The following JMJD1C variants were observed in gnomAD, a reference collection of about 807,000 sequenced individuals.
JMJD1C encodes the protein jumonji domain containing 1C.
Under a neutral mutation model 245.3 loss-of-function variants are expected in JMJD1C, and 31 were observed. That is an observed-to-expected ratio of 0.13 (90% CI 0.09 to 0.17). The LOEUF is 0.17. JMJD1C is among the 10% of genes least tolerant of loss of function. JMJD1C has a pLI of 1.00. For synonymous variants in JMJD1C, 1,057 were observed against 1,017.4 expected, an observed-to-expected ratio of 1.04 and a Z score of -0.74; for missense variants, 2,691 against 3,000.2, an observed-to-expected ratio of 0.90 and a Z score of 2.41.
At chr10:63,375,760 G>A (rs1354437538) in intron 2 of JMJD1C, among the ~76,000 whole-genome samples, 2 of 151,770 alleles carry the variant, frequency 1.3e-5, no homozygotes, top group African/African-American at 4.8e-5. Flanking sequence ...TCGCTGCATT[G>A]TTCAGCCTGG....
chr10:63,332,484 G>T (rs959709701), intron 2 of JMJD1C, among the ~76,000 whole-genome samples: 1 of 152,122 alleles, frequency 6.6e-6, no homozygotes, highest in Non-Finnish European at 1.5e-5. Context: ...TGTAACCTTG[G>T]TGCCAGACTC....
At chr10:63,203,054 T>C in intron 10 of JMJD1C, 7 of 985,052 alleles carry the variant, frequency 7.1e-6, no homozygotes, top group Non-Finnish European at 8.4e-6. Flanking sequence ...ATCTCAATTA[T>C]GTGACACAAA....
chr10:63,459,527 A>G (rs1952639987), intron 1 of JMJD1C, among the ~76,000 whole-genome samples: 1 of 152,226 alleles, frequency 6.6e-6, no homozygotes, highest in South Asian at 2.1e-4. Context: ...AATATTTAGA[A>G]AGTTAGATAT....
intron 3 of JMJD1C, chr10:63,223,194 T>G: frequency 2.0e-6 from 1 of 500,590 alleles, no homozygotes; most frequent in African/African-American, 2.0e-5. Context: ...ACCTTTTCCA[T>G]AATATAGGGA....
intron 1 of JMJD1C, among the ~76,000 whole-genome samples, chr10:63,513,774 G>A (rs55666908): frequency 0.11 from 16,802 of 152,108 alleles, 995 homozygotes; most frequent in Middle Eastern, 0.24. Flanking sequence ...TTAGCCGGGC[G>A]TGTTGGCGGG....
intron 3 of JMJD1C, among the ~76,000 whole-genome samples, chr10:63,249,998 T>C (rs1363781698): frequency 2.0e-5 from 3 of 152,218 alleles, no homozygotes; most frequent in Admixed American, 6.5e-5. Flanking sequence ...GTACATCTAT[T>C]ATGTATTGAT....
chr10:63,501,143 G>A (rs986786068), intron 1 of JMJD1C, among the ~76,000 whole-genome samples: 4 of 152,088 alleles, frequency 2.6e-5, no homozygotes, highest in Admixed American at 6.5e-5. Context: ...CCTGCCAGAC[G>A]CGGTAGCTGA....
At chr10:63,321,203 A>G (rs1940815451) in intron 2 of JMJD1C, among the ~76,000 whole-genome samples, 1 of 152,238 alleles carries the variant, frequency 6.6e-6, no homozygotes, top group African/African-American at 2.4e-5. Flanking sequence ...ATCCTTTAAA[A>G]TATTCTTTGT....
intron 2 of JMJD1C, among the ~76,000 whole-genome samples, chr10:63,293,910 T>A (rs566573525): frequency 2.0e-5 from 3 of 152,068 alleles, no homozygotes; most frequent in Non-Finnish European, 4.4e-5. Flanking sequence ...CTAAGTATTA[T>A]CTATATGCAG....
intron 1 of JMJD1C, among the ~76,000 whole-genome samples, chr10:63,461,666 C>A (rs1019353265): frequency 6.6e-5 from 10 of 152,066 alleles, no homozygotes; most frequent in Admixed American, 3.3e-4. Flanking sequence ...ATGGGTTTGG[C>A]CTTTAATACA....
At chr10:63,210,663 G>C (rs557855275) in intron 8 of JMJD1C, among the ~76,000 whole-genome samples, 1 of 152,262 alleles carries the variant, frequency 6.6e-6, no homozygotes, top group African/African-American at 2.4e-5. Context: ...GCTTATCTTT[G>C]TGCAGCTGCA....
chr10:63,299,527 T>TA (rs1294018875), intron 2 of JMJD1C, among the ~76,000 whole-genome samples: 3 of 151,924 alleles, frequency 2.0e-5, no homozygotes, highest in Non-Finnish European at 4.4e-5. Flanking sequence ...CAAGACCATT[T>TA]AAAAATGGTT....
At chr10:63,506,336 A>T (rs148740085) in intron 1 of JMJD1C, among the ~76,000 whole-genome samples, 1 of 152,306 alleles carries the variant, frequency 6.6e-6, no homozygotes, top group Admixed American at 6.5e-5. Flanking sequence ...AAAAGAGAAA[A>T]GGAACTTGTA....
intron 1 of JMJD1C, among the ~76,000 whole-genome samples, chr10:63,471,512 G>A (rs1246919819): frequency 6.6e-6 from 1 of 152,164 alleles, no homozygotes; most frequent in East Asian, 1.9e-4. Context: ...ACTGACAAAA[G>A]TAATCTTGCT....
chr10:63,319,371 T>C (rs535541950), intron 2 of JMJD1C, among the ~76,000 whole-genome samples: 88 of 151,984 alleles, frequency 5.8e-4, no homozygotes, highest in South Asian at 1.0e-3. Context: ...CTTTTTTTTT[T>C]CCCTCATCTC....
intron 2 of JMJD1C, among the ~76,000 whole-genome samples, chr10:63,364,464 T>C (rs1210874444): frequency 6.6e-6 from 1 of 152,224 alleles, no homozygotes; most frequent in Admixed American, 6.5e-5. Context: ...GTTGTTGCTA[T>C]CTTGGTGCGA....
At chr10:63,373,509 A>G (rs1040434563) in intron 2 of JMJD1C, among the ~76,000 whole-genome samples, 1 of 152,244 alleles carries the variant, frequency 6.6e-6, no homozygotes, top group Non-Finnish European at 1.5e-5. Context: ...ATTTCTAGGT[A>G]TAAGAGGTAG....
chr10:63,381,069 T>A (rs536285585), intron 1 of JMJD1C, among the ~76,000 whole-genome samples: 1 of 152,312 alleles, frequency 6.6e-6, no homozygotes, highest in African/African-American at 2.4e-5. Flanking sequence ...ATATACACAA[T>A]AGAATACAAT....
chr10:63,177,648 G>T, intron 23 of JMJD1C, 69 bp downstream of exon 23: 1 of 1,499,776 alleles, frequency 6.7e-7, no homozygotes, highest in Non-Finnish European at 9.2e-7. Flanking sequence ...AATGCCAAGT[G>T]AAGGTACGGC....
Sources: allele counts gnomAD v4.1 joint callset (sites outside exome capture counted in the v4.1 genomes callset), GRCh38; gene constraint gnomAD v4.1.1; transcripts MANE v1.5; gene names NCBI Gene and HGNC (gene_info 2026-07-23, HGNC 2026-07-21).